The following ERI1 variants were observed in gnomAD, a reference collection of about 807,000 sequenced individuals.
ERI1 encodes the protein exoribonuclease 1.
In ERI1, 39 loss-of-function variants were observed where a neutral mutation model predicts 39.7. The observed-to-expected ratio is 0.98, with a 90% CI of 0.76 to 1.28. The LOEUF (loss-of-function observed/expected upper bound fraction) is 1.28. Ranked by LOEUF, ERI1 falls within the 50% of genes most tolerant of loss-of-function variation. The pLI, the probability that ERI1 is intolerant of heterozygous loss-of-function variation, is 0.00. For synonymous variants in ERI1, 204 were observed against 149.6 expected, an observed-to-expected ratio of 1.36 and a Z score of -2.65; for missense variants, 581 against 416.9, an observed-to-expected ratio of 1.39 and a Z score of -3.43.
At chr8:9,012,649 G>A (rs1253239003) in intron 3 of ERI1, among the ~76,000 whole-genome samples, 2 of 152,162 alleles carry the variant, frequency 1.3e-5, no homozygotes, top group African/African-American at 2.4e-5. Context: ...TAAGTCACTA[G>A]ATTTTACTTC....
intron 6 of ERI1, among the ~76,000 whole-genome samples, chr8:9,025,618 AT>A (rs1818390342): frequency 1.3e-5 from 2 of 152,102 alleles, no homozygotes; most frequent in Admixed American, 1.3e-4. Context: ...TAAAAACACG[AT>A]GAAGTGACTG....
At chr8:9,082,192 G>A (rs774269840) in intron 3 of ERI1, among the ~76,000 whole-genome samples, 71 of 152,204 alleles carry the variant, frequency 4.7e-4, no homozygotes, top group Non-Finnish European at 9.1e-4. Context: ...AGAGGGGAAG[G>A]AGAATGGAGA....
chr8:9,061,907 A>G (rs186003189), intron 3 of ERI1, among the ~76,000 whole-genome samples: 513 of 152,032 alleles, frequency 3.4e-3, no homozygotes, highest in Non-Finnish European at 5.0e-3. Flanking sequence ...GCAAAGGAAT[A>G]GTAAAGAAAG....
At chr8:9,074,276 A>T (rs1399072461) in intron 3 of ERI1, among the ~76,000 whole-genome samples, 2 of 150,096 alleles carry the variant, frequency 1.3e-5, no homozygotes, top group African/African-American at 2.5e-5. Context: ...ATGCCTGGCT[A>T]ATTTTTTTTT....
chr8:9,068,917 A>C, intron 3 of ERI1, among the ~76,000 whole-genome samples: 1 of 152,116 alleles, frequency 6.6e-6, no homozygotes. Context: ...CCTAGGCTCA[A>C]GCAATCCTCT....
chr8:9,058,123 G>T (rs1358498149), intron 3 of ERI1, among the ~76,000 whole-genome samples: 1 of 152,168 alleles, frequency 6.6e-6, no homozygotes, highest in African/African-American at 2.4e-5. Flanking sequence ...CAGACTGCAG[G>T]GGGTCAAAGG....
intron 3 of ERI1, among the ~76,000 whole-genome samples, chr8:9,089,908 C>A (rs1235224912): frequency 6.6e-6 from 1 of 151,504 alleles, no homozygotes; most frequent in African/African-American, 2.4e-5. Context: ...TGAATGTGAA[C>A]AATGAGACAG....
intron 3 of ERI1, among the ~76,000 whole-genome samples, chr8:9,061,392 C>T (rs532588865): frequency 1.1e-3 from 164 of 151,926 alleles, no homozygotes; most frequent in African/African-American, 3.5e-3. Context: ...CTGAAGGACC[C>T]GGGGAGCAGA....
At chr8:9,004,930 C>T (rs752866170) in intron 1 of ERI1, among the ~76,000 whole-genome samples, 1 of 151,982 alleles carries the variant, frequency 6.6e-6, no homozygotes, top group African/African-American at 2.4e-5. Context: ...TCAGGTGATC[C>T]GCCCACCTCG....
chr8:9,035,787 G>C (rs899133797), downstream of ERI1, among the ~76,000 whole-genome samples: 2 of 152,186 alleles, frequency 1.3e-5, no homozygotes, highest in African/African-American at 4.8e-5. Flanking sequence ...TTCGTCTGAT[G>C]GATCTAGGCA....
At chr8:9,057,997 G>A (rs1425458503) in intron 3 of ERI1, among the ~76,000 whole-genome samples, 1 of 152,228 alleles carries the variant, frequency 6.6e-6, no homozygotes, top group Non-Finnish European at 1.5e-5. Flanking sequence ...GCCGTTGCAA[G>A]CATTTGGGCT....
chr8:9,016,512 A>C, intron 4 of ERI1, 107 bp downstream of exon 4: 1 of 502,602 alleles, frequency 2.0e-6, no homozygotes, highest in Non-Finnish European at 3.3e-6. Context: ...ACAATTTAAT[A>C]CCTTGCTTGG....
At chr8:9,097,056 T>C (rs987494793) in intron 3 of ERI1, among the ~76,000 whole-genome samples, 3 of 152,066 alleles carry the variant, frequency 2.0e-5, no homozygotes, top group African/African-American at 7.2e-5. Flanking sequence ...TCTCTGCCTT[T>C]ACTCTTCTAG....
At chr8:9,049,982 C>T (rs1798305422) in intron 3 of ERI1, 1 of 152,194 alleles carries the variant, frequency 6.6e-6, no homozygotes, top group Admixed American at 6.5e-5. Context: ...GAGTTCTAGA[C>T]CTGAACACGT....
intron 6 of ERI1, among the ~76,000 whole-genome samples, chr8:9,026,364 A>G (rs67434672): frequency 0.14 from 21,424 of 152,148 alleles, 1,647 homozygotes; most frequent in African/African-American, 0.16. Context: ...TCATATTCCA[A>G]AAGTGAAACT....
chr8:9,023,418 C>G (rs28613109), intron 6 of ERI1, among the ~76,000 whole-genome samples: 1,559 of 152,070 alleles, frequency 0.01, 27 homozygotes, highest in African/African-American at 0.035. Context: ...ATTAATAAAC[C>G]TTAAAATAAT....
At chr8:9,072,965 G>A (rs1358110043) in intron 3 of ERI1, among the ~76,000 whole-genome samples, 1 of 152,214 alleles carries the variant, frequency 6.6e-6, no homozygotes, top group Non-Finnish European at 1.5e-5. Context: ...AAAACATTTT[G>A]TGGTCTAGCT....
At chr8:9,064,381 G>C (rs970118478) in intron 3 of ERI1, among the ~76,000 whole-genome samples, 1 of 152,154 alleles carries the variant, frequency 6.6e-6, no homozygotes, top group African/African-American at 2.4e-5. Flanking sequence ...TGAGTGGTCA[G>C]ACACCTCTGA....
At chr8:9,083,735 C>T (rs985523540) in intron 3 of ERI1, among the ~76,000 whole-genome samples, 14 of 151,994 alleles carry the variant, frequency 9.2e-5, no homozygotes, top group African/African-American at 3.1e-4. Context: ...GGGAGAATTG[C>T]TTGAATCCAG....
Sources: gnomAD v4.1 joint callset for allele counts (sites outside exome capture counted in the v4.1 genomes callset) on GRCh38, gnomAD v4.1.1 for gene constraint, MANE v1.5 for transcripts, NCBI Gene and HGNC (gene_info 2026-07-23, HGNC 2026-07-21) for gene names.